Variants in ATAD2 observed in about 807,000 individuals in gnomAD.
ATAD2 encodes the protein ATPase family AAA domain containing 2.
ATAD2 carries 62 observed loss-of-function variants against 168.9 expected under a neutral mutation model. The ratio of observed to expected loss-of-function variants is 0.37; its 90% CI spans 0.30 to 0.45. The LOEUF is 0.45. ATAD2 is among the 20% of genes least tolerant of loss of function. The pLI is 1.00. For synonymous variants in ATAD2, 613 were observed against 571.6 expected, an observed-to-expected ratio of 1.07 and a Z score of -1.03; for missense variants, 1,419 against 1,667.8, an observed-to-expected ratio of 0.85 and a Z score of 2.60.
At chr8:123,412,263 ATT>A (rs759095984) in intron 1 of ATAD2, among the ~76,000 whole-genome samples, 22 of 152,200 alleles carry the variant, frequency 1.4e-4, no homozygotes, top group Non-Finnish European at 4.4e-5. Flanking sequence ...TTTGTATCTC[ATT>A]TAAGTCACTA....
chr8:123,404,826 CA>C (rs1215037026), intron 1 of ATAD2, among the ~76,000 whole-genome samples: 4 of 152,198 alleles, frequency 2.6e-5, no homozygotes, highest in Admixed American at 1.3e-4. Context: ...AGGCGTGAGC[CA>C]CCGCGCCCAG....
chr8:123,340,583 A>T (rs1336369573), intron 19 of ATAD2, among the ~76,000 whole-genome samples: 1 of 152,380 alleles, frequency 6.6e-6, no homozygotes, highest in Non-Finnish European at 1.5e-5. Flanking sequence ...TCACCAGATG[A>T]ATGGATACAA....
rs372852171 is a variant in ATAD2, at chr8:123,320,176, C to T, written c.*958G>A. 1.3e-3 allele frequency: 203 copies of T among 152,164 alleles called. No homozygotes were observed. Among genetic ancestry groups the T allele is most frequent in the African/African-American group, 4.7e-3 (194 of 41,532 alleles). 9.4% of individuals were successfully genotyped at this position (152,164 alleles called of 1,614,324 possible). On this transcript the variant is annotated 3_prime_UTR_variant, in exon 28 of 28. Coordinates refer to ENST00000287394, the MANE Select transcript of ATAD2 (RefSeq NM_014109.4). ...GAATCTCTCATTTTAGATGACCATT[C>T]CTTATTCCCCTCAAAAGGTTTCCAA...
chr8:123,361,364 T>C (rs927200840), intron 9 of ATAD2, among the ~76,000 whole-genome samples, 175 bp downstream of exon 9: 2 of 151,850 alleles, frequency 1.3e-5, no homozygotes, highest in Non-Finnish European at 2.9e-5. Flanking sequence ...TTCTAACCTG[T>C]TATTCTGATT....
At chr8:123,367,276 G>A (rs913700371) in intron 8 of ATAD2, among the ~76,000 whole-genome samples, 1 of 152,164 alleles carries the variant, frequency 6.6e-6, no homozygotes, top group Non-Finnish European at 1.5e-5. Flanking sequence ...AATTAGCGGG[G>A]CATGGTGGCA....
chr8:123,349,511 T>C (rs1353733984), intron 13 of ATAD2, 67 bp from the exon 14 acceptor site: 11 of 1,464,246 alleles, frequency 7.5e-6, no homozygotes, highest in Non-Finnish European at 9.3e-6. Context: ...TCAGTAATAT[T>C]TCTTCTTTTG....
intron 8 of ATAD2, among the ~76,000 whole-genome samples, chr8:123,366,463 T>C (rs6998407): frequency 0.14 from 21,784 of 152,190 alleles, 4,398 homozygotes; most frequent in African/African-American, 0.46. Flanking sequence ...CTTCCACACG[T>C]ATGTTTATAG....
chr8:123,355,044 A>G (rs1161088706), intron 13 of ATAD2, among the ~76,000 whole-genome samples: 2 of 151,702 alleles, frequency 1.3e-5, no homozygotes, highest in East Asian at 3.9e-4. Context: ...TGTTAGCACA[A>G]TGAATATAGT....
intron 2 of ATAD2, among the ~76,000 whole-genome samples, chr8:123,379,887 A>ATTTTTT (rs769102696): frequency 2.4e-5 from 3 of 127,546 alleles, no homozygotes; most frequent in Admixed American, 8.2e-5. Context: ...TATTATTATT[A>ATTTTTT]TTATTTTTTT....
chr8:123,336,666 C>G, intron 21 of ATAD2, 134 bp from the exon 22 acceptor site: 1 of 659,078 alleles, frequency 1.5e-6, no homozygotes, highest in South Asian at 4.2e-5. Context: ...TAACATAAAA[C>G]CTTTCACTTG....
chr8:123,329,853 G>A (rs975422349), intron 24 of ATAD2, among the ~76,000 whole-genome samples: 2 of 151,448 alleles, frequency 1.3e-5, no homozygotes, highest in Non-Finnish European at 2.9e-5. Context: ...GTACAGAGAG[G>A]TTAAATATTC....
Position 123,346,610 on chromosome 8 carries a change from A to C in ATAD2, c.2345+8T>G, listed in dbSNP as rs186027853. ...TGCAAAAAACATTGATTTGCAAGAA[A>C]AATATACCTATTCAAATGAAGAAAA... On this transcript the variant is annotated splice_region_variant and intron_variant, in intron 17 of 27. Transcript: ENST00000287394. 2,433 of 1,538,178 alleles carry C rather than the reference A, an allele frequency of 1.6e-3. 5 individuals are homozygous for C. Among genetic ancestry groups the C allele is most frequent in the Admixed American group, 2.2e-3 (104 of 46,586 alleles).
At chr8:123,357,480 T>G (rs1362265566) in intron 12 of ATAD2, 82 bp downstream of exon 12, 11 of 1,283,560 alleles carry the variant, frequency 8.6e-6, no homozygotes, top group Non-Finnish European at 1.1e-5. Flanking sequence ...GAACACTGAT[T>G]AAATGTAAGA....
chr8:123,330,254 T>C (rs1284781218), intron 24 of ATAD2, among the ~76,000 whole-genome samples: 4 of 152,080 alleles, frequency 2.6e-5, no homozygotes, highest in Non-Finnish European at 4.4e-5. Flanking sequence ...CCTCCCAAAG[T>C]GCTGGGATTA....
At chr8:123,322,889 T>C (rs1038721412) in intron 27 of ATAD2, 49 bp downstream of exon 27, 2 of 1,571,674 alleles carry the variant, frequency 1.3e-6, no homozygotes, top group South Asian at 2.3e-5. Flanking sequence ...AGTGATATAT[T>C]AATGTGACCA....
intron 2 of ATAD2, among the ~76,000 whole-genome samples, chr8:123,376,299 G>A (rs1396383798): frequency 3.3e-5 from 5 of 151,822 alleles, no homozygotes; most frequent in East Asian, 3.9e-4. Context: ...CCAGCTACTT[G>A]GGAGGCTGGG....
At chr8:123,321,279 C>T in intron 27 of ATAD2, 104 bp from the exon 28 acceptor site, 1 of 990,338 alleles carries the variant, frequency 1.0e-6, no homozygotes, top group Non-Finnish European at 1.5e-6. Flanking sequence ...TATTAATATT[C>T]AGGTATATAT....
intron 1 of ATAD2, among the ~76,000 whole-genome samples, chr8:123,415,952 A>C (rs796493264): frequency 4.6e-5 from 7 of 152,334 alleles, no homozygotes; most frequent in African/African-American, 1.7e-4. Flanking sequence ...ATTGAACAAA[A>C]TATATGATTA....
intron 13 of ATAD2, 96 bp from the exon 14 acceptor site, chr8:123,349,540 A>G (rs1275795617): frequency 1.7e-6 from 2 of 1,208,116 alleles, no homozygotes; most frequent in African/African-American, 3.2e-5. Flanking sequence ...AACGCATTAC[A>G]TGTGAATAAA....
Sources: gnomAD v4.1 joint callset for allele counts (sites outside exome capture counted in the v4.1 genomes callset) on GRCh38, gnomAD v4.1.1 for gene constraint, MANE v1.5 for transcripts, NCBI Gene and HGNC (gene_info 2026-07-23, HGNC 2026-07-21) for gene names.